POFUT3: variants seen among roughly 807,000 people sequenced by gnomAD.
The protein encoded by POFUT3 is GDP-fucose protein O-fucosyltransferase 3.
chr8:33,411,302 G>C, the POFUT3 span, among the ~76,000 whole-genome samples: 1 of 152,206 alleles, frequency 6.6e-6, no homozygotes, highest in African/African-American at 2.4e-5. Flanking sequence ...AGCACAGCTG[G>C]AACGAGCCCA....
At chr8:33,440,644 C>G in the POFUT3 span, among the ~76,000 whole-genome samples, 1 of 152,000 alleles carries the variant, frequency 6.6e-6, no homozygotes, top group Admixed American at 6.6e-5. Context: ...TCACGTGAAC[C>G]ACTTCACACA....
At chr8:33,322,943 C>CT in the POFUT3 span, among the ~76,000 whole-genome samples, 37 of 146,780 alleles carry the variant, frequency 2.5e-4, no homozygotes, top group Middle Eastern at 3.6e-3. Context: ...ATAAGTGGAG[C>CT]TTTTTTTTTT....
the POFUT3 span, among the ~76,000 whole-genome samples, chr8:33,387,986 A>T: frequency 6.6e-6 from 1 of 152,224 alleles, no homozygotes; most frequent in East Asian, 1.9e-4. Flanking sequence ...ATTAAGTTAC[A>T]CATAAAGTAG....
the POFUT3 span, among the ~76,000 whole-genome samples, chr8:33,393,812 T>A: frequency 6.6e-6 from 1 of 152,196 alleles, no homozygotes; most frequent in South Asian, 2.1e-4. Flanking sequence ...TAGCCAGCTT[T>A]AGCACACGAA....
chr8:33,359,594 T>A, the POFUT3 span, among the ~76,000 whole-genome samples: 1 of 152,222 alleles, frequency 6.6e-6, no homozygotes, highest in Admixed American at 6.5e-5. Context: ...AAAGAAACTA[T>A]TGGCAAATCT....
chr8:33,309,199 TACACAC>T, the POFUT3 span, among the ~76,000 whole-genome samples: 17 of 89,860 alleles, frequency 1.9e-4, no homozygotes, highest in African/African-American at 7.9e-4. Context: ...TATATATATA[TACACAC>T]ACATATTTTT....
chr8:33,427,070 C>G, the POFUT3 span, among the ~76,000 whole-genome samples: 1 of 152,214 alleles, frequency 6.6e-6, no homozygotes. Context: ...CAGCCCCCTG[C>G]AGAGGAATCG....
chr8:33,316,540 G>A, the POFUT3 span, among the ~76,000 whole-genome samples: 1 of 149,762 alleles, frequency 6.7e-6, no homozygotes, highest in Non-Finnish European at 1.5e-5. Flanking sequence ...GGCCAACATG[G>A]CAAAACCCCA....
the POFUT3 span, among the ~76,000 whole-genome samples, chr8:33,325,283 C>G: frequency 6.6e-6 from 1 of 152,206 alleles, no homozygotes; most frequent in Non-Finnish European, 1.5e-5. Flanking sequence ...ATTTCTCACA[C>G]TCAATTCAAA....
At chr8:33,422,268 C>T in the POFUT3 span, among the ~76,000 whole-genome samples, 1,552 of 151,100 alleles carry the variant, frequency 0.01, 19 homozygotes, top group Admixed American at 0.016. Context: ...CCAGGCCTGG[C>T]GCGGTGGTTC....
At chr8:33,368,428 G>T in the POFUT3 span, among the ~76,000 whole-genome samples, 2 of 152,168 alleles carry the variant, frequency 1.3e-5, no homozygotes, top group African/African-American at 4.8e-5. Flanking sequence ...CATTTTACTA[G>T]TGAAAAAGGT....
At chr8:33,398,414 C>T in the POFUT3 span, among the ~76,000 whole-genome samples, 1 of 152,150 alleles carries the variant, frequency 6.6e-6, no homozygotes, top group East Asian at 1.9e-4. Context: ...CACACTGAAT[C>T]GTTTGTGTAT....
the POFUT3 span, among the ~76,000 whole-genome samples, chr8:33,348,863 G>C: frequency 7.6e-4 from 116 of 152,208 alleles, no homozygotes; most frequent in African/African-American, 2.7e-3. Flanking sequence ...TCAGACAAGG[G>C]CTATATCAGA....
the POFUT3 span, among the ~76,000 whole-genome samples, chr8:33,359,490 T>C: frequency 6.6e-6 from 1 of 152,140 alleles, no homozygotes. Flanking sequence ...CTCAGTGCCT[T>C]AAATCACCAT....
At chr8:33,324,205 C>G in the POFUT3 span, among the ~76,000 whole-genome samples, 1,107 of 152,302 alleles carry the variant, frequency 7.3e-3, 10 homozygotes, top group African/African-American at 0.025. Context: ...ACACATTCCT[C>G]TGGCTAGAAG....
chr8:33,330,018 G>A, the POFUT3 span, among the ~76,000 whole-genome samples: 1 of 152,146 alleles, frequency 6.6e-6, no homozygotes, highest in Non-Finnish European at 1.5e-5. Context: ...GGAAGATGCT[G>A]GTGTTTAGCA....
the POFUT3 span, among the ~76,000 whole-genome samples, chr8:33,362,017 A>G: frequency 6.6e-6 from 1 of 152,234 alleles, no homozygotes; most frequent in Admixed American, 6.5e-5. Flanking sequence ...GCAGCTAGAG[A>G]GAAAGGTTGA....
chr8:33,386,579 G>A, the POFUT3 span, among the ~76,000 whole-genome samples: 1 of 152,300 alleles, frequency 6.6e-6, no homozygotes, highest in Admixed American at 6.5e-5. Flanking sequence ...GTGAGGCTGA[G>A]GCGGGAGGAT....
At chr8:33,397,365 T>C in the POFUT3 span, among the ~76,000 whole-genome samples, 10 of 152,244 alleles carry the variant, frequency 6.6e-5, no homozygotes, top group South Asian at 2.1e-3. Flanking sequence ...GCTCCGCTCT[T>C]GGGGGTGAGT....
Sources: gnomAD v4.1 joint callset for allele counts (sites outside exome capture counted in the v4.1 genomes callset) on GRCh38, gnomAD v4.1.1 for gene constraint, MANE v1.5 for transcripts, NCBI Gene and HGNC (gene_info 2026-07-23, HGNC 2026-07-21) for gene names.